Variants in TBC1D22A observed in about 807,000 individuals in gnomAD.
TBC1D22A encodes the protein putative GTPase activator.
In TBC1D22A, 38 loss-of-function variants were observed where a neutral mutation model predicts 60.2. That is an observed-to-expected ratio of 0.63 (90% confidence interval 0.49 to 0.83). TBC1D22A has a LOEUF of 0.83. Among genes scored for constraint, TBC1D22A ranks in the 40% least tolerant of loss-of-function variants. The pLI is 0.00. For synonymous variants in TBC1D22A, 302 were observed against 281.7 expected (o/e 1.07, Z -0.72); for missense variants, 628 against 701.0 (o/e 0.90, Z 1.18).
At chr22:46,800,966 G>A (rs2146957434) in intron 4 of TBC1D22A, among the ~76,000 whole-genome samples, 1 of 152,158 alleles carries the variant, frequency 6.6e-6, no homozygotes, top group East Asian at 1.9e-4. Flanking sequence ...GTACCCACCT[G>A]GAGCATTCTG....
At position 46,913,475 on chromosome 22, in the gene TBC1D22A, A is replaced by G. The variant is rs757840000; in HGVS notation, c.1015+1287A>G. On this transcript the variant is annotated intron_variant, in intron 8 of 12. Transcript: ENST00000337137. The stretch of plus-strand genomic sequence containing the variant: ...GTGAATTTTACTGCAGCCCTCTGAC[A>G]CTTTGTTTCCATTTGTGATTTCATA... The G allele has an allele frequency of 6.0e-6, 8 of 1,338,352 alleles. No homozygotes were observed. The Admixed American group carries it at 1.0e-4, about 17-fold the overall frequency. 82.9% of individuals were successfully genotyped at this position (1,338,352 alleles called of 1,614,324 possible).
intron 11 of TBC1D22A, among the ~76,000 whole-genome samples, chr22:47,106,380 A>C (rs1018188028): frequency 6.6e-6 from 1 of 152,234 alleles, no homozygotes; most frequent in Non-Finnish European, 1.5e-5. Context: ...ATCCAAGACA[A>C]AGAAGTTATT....
At chr22:46,801,728 C>T (rs141593004) in intron 4 of TBC1D22A, among the ~76,000 whole-genome samples, 7 of 152,160 alleles carry the variant, frequency 4.6e-5, no homozygotes, top group South Asian at 2.1e-4. Context: ...TCAAGGCTTT[C>T]GAACGGTAGG....
At chr22:47,154,211 C>T (rs2067621750) in intron 12 of TBC1D22A, among the ~76,000 whole-genome samples, 1 of 152,106 alleles carries the variant, frequency 6.6e-6, no homozygotes. Flanking sequence ...CCTGTGTGCC[C>T]CTGTCACCCT....
chr22:46,793,777 A>AC lies in TBC1D22A; in HGVS notation c.402dup (p.Ser135GlnfsTer12). On this transcript the variant is annotated frameshift_variant, in exon 3 of 13. Coordinates refer to ENST00000337137, the MANE Select transcript of TBC1D22A (RefSeq NM_014346.5). LOFTEE classifies it high-confidence loss of function. ...CCAGGCCCGAGGCAGAGCCGCCCTC[A>AC]CCCCCCAGCGGCGACCTCCGGCTGG... is the stretch of plus-strand genomic sequence containing the variant. 3 of 1,601,110 alleles carry AC rather than the reference A, an allele frequency of 1.9e-6. No individual in the cohort carries two copies. The highest frequency in any genetic ancestry group is 1.7e-5 in the Admixed American group (1 of 58,134).
At chr22:46,812,077 T>A (rs1015655204) in intron 4 of TBC1D22A, among the ~76,000 whole-genome samples, 1 of 152,144 alleles carries the variant, frequency 6.6e-6, no homozygotes, top group Non-Finnish European at 1.5e-5. Context: ...GGGCAGGGAT[T>A]GGAATGATCA....
intron 9 of TBC1D22A, among the ~76,000 whole-genome samples, chr22:46,996,503 T>G (rs895210531): frequency 6.6e-6 from 1 of 152,268 alleles, no homozygotes; most frequent in Non-Finnish European, 1.5e-5. Context: ...TAGTTCCACC[T>G]GCAACCCTGG....
chr22:46,774,458 G>C (rs1032325367), intron 1 of TBC1D22A, among the ~76,000 whole-genome samples: 1 of 152,236 alleles, frequency 6.6e-6, no homozygotes, highest in Non-Finnish European at 1.5e-5. Flanking sequence ...CGAGTGCTGC[G>C]GTTCATGAAG....
At chr22:46,865,704 G>A (rs769832256) in intron 4 of TBC1D22A, among the ~76,000 whole-genome samples, 12 of 152,254 alleles carry the variant, frequency 7.9e-5, no homozygotes, top group South Asian at 4.1e-4. Context: ...ACACGTGTGC[G>A]TTGGACACAC....
intron 11 of TBC1D22A, among the ~76,000 whole-genome samples, chr22:47,088,819 A>G (rs1023144975): frequency 6.6e-6 from 1 of 152,082 alleles, no homozygotes; most frequent in Non-Finnish European, 1.5e-5. Flanking sequence ...CAGGAAGGAG[A>G]CCCCAGACAT....
intron 4 of TBC1D22A, among the ~76,000 whole-genome samples, chr22:46,852,881 G>T (rs191365334): frequency 1.3e-5 from 2 of 152,158 alleles, no homozygotes; most frequent in Non-Finnish European, 2.9e-5. Context: ...TGTCACTGGC[G>T]TTTTCTGCAT....
chr22:47,111,141 C>A (rs779327604), intron 11 of TBC1D22A, among the ~76,000 whole-genome samples: 3 of 152,214 alleles, frequency 2.0e-5, no homozygotes, highest in Admixed American at 2.0e-4. Flanking sequence ...GCCTCCCTCA[C>A]GCGCCCTTTG....
intron 9 of TBC1D22A, among the ~76,000 whole-genome samples, chr22:46,996,297 TC>T (rs1278421278): frequency 6.6e-6 from 1 of 152,184 alleles, no homozygotes; most frequent in African/African-American, 2.4e-5. Flanking sequence ...CATGGGGCCA[TC>T]CCCAGTGTCA....
chr22:46,953,906 C>T (rs774202071), intron 8 of TBC1D22A, among the ~76,000 whole-genome samples: 1 of 152,166 alleles, frequency 6.6e-6, no homozygotes, highest in Non-Finnish European at 1.5e-5. Context: ...TGGCATTTTT[C>T]CATGTATAGG....
chr22:47,115,014 C>G (rs1050321451), intron 12 of TBC1D22A, among the ~76,000 whole-genome samples: 14 of 22,604 alleles, frequency 6.2e-4, no homozygotes, highest in African/African-American at 2.1e-3. Flanking sequence ...GGGCAGGGCT[C>G]GGGGAGCAGG....
chr22:46,847,956 C>T lies in TBC1D22A; in HGVS notation c.638-30697C>T, dbSNP rs62233856. On this transcript the variant is annotated intron_variant, in intron 4 of 12. Coordinates refer to ENST00000337137, the MANE Select transcript of TBC1D22A (RefSeq NM_014346.5). ...GTGTGTGTGTGTGTGTGTGTGTGTGCGCGCGCGCACGCGCTCTACACAGTA... is the reference window on the plus strand; with the variant it reads ...GTGTGTGTGTGTGTGTGTGTGTGTGTGCGCGCGCACGCGCTCTACACAGTA... 8.1e-3 allele frequency among the ~76,000 whole-genome samples: 365 copies of T among 45,172 alleles called. 4 individuals are homozygous for T. The highest frequency in any genetic ancestry group is 0.046 in the African/African-American group (272 of 5,962). The allele number at this position is 45,172 out of a possible 152,430, so 29.6% of individuals were successfully genotyped here. A position where few individuals can be genotyped will look rare whatever the true frequency, so the allele number is the denominator to read the frequency against.
At chr22:47,159,647 C>T (rs1421538609) in intron 12 of TBC1D22A, among the ~76,000 whole-genome samples, 1 of 151,236 alleles carries the variant, frequency 6.6e-6, no homozygotes, top group Non-Finnish European at 1.5e-5. Flanking sequence ...CACCACATAC[C>T]ACGTATATAC....
At chr22:46,963,645 A>G (rs957797920) in intron 8 of TBC1D22A, among the ~76,000 whole-genome samples, 6 of 152,196 alleles carry the variant, frequency 3.9e-5, no homozygotes, top group Admixed American at 6.5e-5. Flanking sequence ...GCACAGGGCA[A>G]TTTGCAGGCA....
chr22:46,936,037 C>T (rs1372995083), intron 8 of TBC1D22A, among the ~76,000 whole-genome samples: 1 of 152,260 alleles, frequency 6.6e-6, no homozygotes, highest in African/African-American at 2.4e-5. Context: ...TTATTCTGTC[C>T]TCATCAGCTT....
Sources: gnomAD v4.1 joint callset for allele counts (sites outside exome capture counted in the v4.1 genomes callset) on GRCh38, gnomAD v4.1.1 for gene constraint, MANE v1.5 for transcripts, NCBI Gene and HGNC (gene_info 2026-07-23, HGNC 2026-07-21) for gene names.